ACYP2: variants seen among roughly 807,000 people sequenced by gnomAD.
ACYP2 encodes the protein acylphosphatase-2.
A neutral mutation model predicts 11.2 loss-of-function variants in ACYP2; 12 were observed. That is an observed-to-expected ratio of 1.08 (90% CI 0.69 to 1.74). ACYP2 has a LOEUF of 1.74. ACYP2 is among the 40% of genes most tolerant of loss of function. The pLI is 0.00. For missense variants in ACYP2, 134 were observed against 101.9 expected, an observed-to-expected ratio of 1.31 and a Z score of -1.35; for synonymous variants, 43 against 32.2, an observed-to-expected ratio of 1.33 and a Z score of -1.13.
chr2:54,226,889 C>T (rs1289615362), intron 6 of ACYP2, among the ~76,000 whole-genome samples: 1 of 152,160 alleles, frequency 6.6e-6, no homozygotes, highest in East Asian at 1.9e-4. Flanking sequence ...CATAGCAACA[C>T]ACTCATTTTG....
rs755328452 is a variant in ACYP2 at position 54,256,011 on chromosome 2, G to A, written c.405-48677G>A. On this transcript the variant is annotated intron_variant, in intron 6 of 6. Transcript: ENST00000607452. ...CTGGAAGCCGGGGCGGTGGGAACAC[G>A]ATTGGCTCCAAGCGGCCATCAAACA... is the stretch of plus-strand genomic sequence containing the variant. 6 of 1,614,128 alleles carry A rather than the reference G, an allele frequency of 3.7e-6. No homozygotes were observed. The South Asian group carries it at 5.5e-5, about 15-fold the overall frequency.
intron 6 of ACYP2, among the ~76,000 whole-genome samples, chr2:54,202,395 C>T (rs528649166): frequency 6.7e-4 from 97 of 145,292 alleles, no homozygotes; most frequent in Admixed American, 1.5e-3. Flanking sequence ...GCATGAGCCA[C>T]TGTGCCTGGC....
At chr2:53,973,948 C>T (rs1671332378) in intron 2 of ACYP2, 1 of 161,102 alleles carries the variant, frequency 6.2e-6, no homozygotes, top group African/African-American at 2.6e-5. Context: ...ACTCTGTAGC[C>T]CAGTCTGGAG....
intron 2 of ACYP2, among the ~76,000 whole-genome samples, chr2:54,034,189 C>G (rs1469031917): frequency 1.3e-5 from 2 of 152,098 alleles, no homozygotes; most frequent in East Asian, 3.9e-4. Context: ...GAAACCCTGT[C>G]TCTACTAAAA....
intron 4 of ACYP2, among the ~76,000 whole-genome samples, chr2:54,088,836 A>G (rs187450894): frequency 2.0e-5 from 3 of 152,346 alleles, no homozygotes; most frequent in Admixed American, 1.3e-4. Flanking sequence ...GAAAGAGTAC[A>G]GTGAGGACAA....
In ACYP2 at chr2:54,304,790, T is replaced by A. The variant is rs778238872; in HGVS notation, c.507T>A (p.Ser169Arg). 3.2e-6 allele frequency: 5 copies of A among 1,586,308 alleles called. No individual in the cohort carries two copies. Among genetic ancestry groups the A allele is most frequent in the Admixed American group, 1.7e-5 (1 of 59,744 alleles). ...CTAAGCTTGAATACTCTAATTTTAG[T>A]ATTAGATACTAATAGAAGAGAAAAA... The change falls in exon 7 of 7, where the codon AGT becomes AGA. Residue 169 changes from serine to arginine, a missense_variant. Transcript: ENST00000607452.
At chr2:54,259,623 G>C (rs919032069) in intron 6 of ACYP2, among the ~76,000 whole-genome samples, 2 of 151,140 alleles carry the variant, frequency 1.3e-5, no homozygotes, top group African/African-American at 4.9e-5. Flanking sequence ...AGAGTCACTG[G>C]TGACTCAAAA....
intron 6 of ACYP2, among the ~76,000 whole-genome samples, chr2:54,214,488 G>A (rs904252296): frequency 6.6e-6 from 1 of 152,126 alleles, no homozygotes; most frequent in African/African-American, 2.4e-5. Flanking sequence ...ACCACTTATC[G>A]AATAGGGAGT....
intron 2 of ACYP2, among the ~76,000 whole-genome samples, chr2:53,995,357 G>C (rs901705546): frequency 6.6e-6 from 1 of 151,940 alleles, no homozygotes; most frequent in African/African-American, 2.4e-5. Context: ...AGTGACCTTG[G>C]TGTTTTTCTC....
intron 4 of ACYP2, among the ~76,000 whole-genome samples, chr2:54,116,822 T>C (rs1293992755): frequency 6.6e-6 from 1 of 152,126 alleles, no homozygotes; most frequent in African/African-American, 2.4e-5. Context: ...CCCTACTGGC[T>C]AGGGTTGGAC....
At chr2:54,257,901 C>T in intron 6 of ACYP2, among the ~76,000 whole-genome samples, 1 of 152,098 alleles carries the variant, frequency 6.6e-6, no homozygotes, top group South Asian at 2.1e-4. Flanking sequence ...AAAATGTTTC[C>T]ACAAAAATAG....
At chr2:54,207,139 C>G (rs1267807028) in intron 6 of ACYP2, among the ~76,000 whole-genome samples, 1 of 141,486 alleles carries the variant, frequency 7.1e-6, no homozygotes, top group African/African-American at 2.7e-5. Context: ...GCCTATATCT[C>G]AAGTTATTAT....
chr2:54,236,520 T>G (rs939134480), intron 6 of ACYP2, among the ~76,000 whole-genome samples: 40 of 152,204 alleles, frequency 2.6e-4, no homozygotes, highest in African/African-American at 8.9e-4. Flanking sequence ...TTTTTGTTAT[T>G]GATTTCTAGT....
intron 6 of ACYP2, among the ~76,000 whole-genome samples, chr2:54,160,420 G>C (rs55765824): frequency 2.0e-5 from 3 of 152,218 alleles, no homozygotes; most frequent in African/African-American, 7.2e-5. Context: ...AAAGGGAGAG[G>C]GGGGAGAGGT....
intron 6 of ACYP2, among the ~76,000 whole-genome samples, chr2:54,249,476 T>C (rs1008433459): frequency 1.3e-5 from 2 of 150,584 alleles, no homozygotes; most frequent in Non-Finnish European, 2.9e-5. Flanking sequence ...AGGTGATGGC[T>C]CTAGTTTACA....
At chr2:54,090,610 AAC>A (rs1369640753) in intron 4 of ACYP2, among the ~76,000 whole-genome samples, 2 of 152,192 alleles carry the variant, frequency 1.3e-5, no homozygotes, top group African/African-American at 4.8e-5. Context: ...CAGTCTGGGC[AAC>A]AGAGTGAGAC....
chr2:54,169,477 A>G (rs1016235460), intron 6 of ACYP2, among the ~76,000 whole-genome samples: 4 of 152,094 alleles, frequency 2.6e-5, no homozygotes, highest in African/African-American at 7.2e-5. Context: ...TTAAGAGAGA[A>G]TAGGTCTTGC....
intron 2 of ACYP2, among the ~76,000 whole-genome samples, chr2:53,989,413 A>G (rs539932158): frequency 6.6e-6 from 1 of 151,774 alleles, no homozygotes; most frequent in African/African-American, 2.4e-5. Flanking sequence ...GTCAGATATT[A>G]GTAAAACAAA....
At chr2:54,287,335 C>G (rs1689120042) in intron 6 of ACYP2, among the ~76,000 whole-genome samples, 1 of 151,940 alleles carries the variant, frequency 6.6e-6, no homozygotes, top group Non-Finnish European at 1.5e-5. Flanking sequence ...CATAAGGGCC[C>G]CCCCTCATGA....
Sources: gnomAD v4.1 joint callset for allele counts (sites outside exome capture counted in the v4.1 genomes callset) on GRCh38, gnomAD v4.1.1 for gene constraint, MANE v1.5 for transcripts, NCBI Gene and HGNC (gene_info 2026-07-23, HGNC 2026-07-21) for gene names.